RCSD1: variants seen among roughly 807,000 people sequenced by gnomAD.
RCSD1 encodes the protein capZ-interacting protein.
A neutral mutation model predicts 42.5 loss-of-function variants in RCSD1; 26 were observed. That is an observed-to-expected ratio of 0.61 (90% confidence interval 0.45 to 0.85). The LOEUF (loss-of-function observed/expected upper bound fraction) is 0.85, where lower values mean the gene tolerates loss of function less well. RCSD1 is among the 40% of genes least tolerant of loss of function. The pLI, the probability that RCSD1 is intolerant of heterozygous loss-of-function variation, is 0.00. For synonymous variants in RCSD1, 220 were observed against 212.2 expected, an observed-to-expected ratio of 1.04 and a Z score of -0.32; for missense variants, 571 against 528.3, an observed-to-expected ratio of 1.08 and a Z score of -0.79.
At chr1:167,653,809 G>A (rs1368772597) in intron 1 of RCSD1, among the ~76,000 whole-genome samples, 1 of 152,204 alleles carries the variant, frequency 6.6e-6, no homozygotes, top group Non-Finnish European at 1.5e-5. Context: ...GGATGATGAA[G>A]AAGAACTGTC....
chr1:167,649,468 A>T (rs1658248873), intron 1 of RCSD1, among the ~76,000 whole-genome samples: 1 of 152,186 alleles, frequency 6.6e-6, no homozygotes. Context: ...TGATGATATT[A>T]TGGGGTGTTA....
intron 1 of RCSD1, among the ~76,000 whole-genome samples, chr1:167,653,004 G>A (rs561145178): frequency 1.3e-5 from 2 of 152,274 alleles, no homozygotes; most frequent in East Asian, 3.9e-4. Flanking sequence ...TTACACAGTT[G>A]CAGATTATTG....
chr1:167,651,053 T>G (rs530654792), intron 1 of RCSD1, among the ~76,000 whole-genome samples: 4 of 152,216 alleles, frequency 2.6e-5, no homozygotes, highest in African/African-American at 9.7e-5. Context: ...TCTCTGTGCG[T>G]GTCTGTGTCC....
chr1:167,688,171 A>T (rs1659283742), intron 3 of RCSD1, among the ~76,000 whole-genome samples: 1 of 152,122 alleles, frequency 6.6e-6, no homozygotes, highest in South Asian at 2.1e-4. Context: ...ATTCAAATCA[A>T]TAGGGTTTTA....
intron 1 of RCSD1, among the ~76,000 whole-genome samples, chr1:167,648,043 T>G (rs1658209839): frequency 6.6e-6 from 1 of 152,206 alleles, no homozygotes; most frequent in South Asian, 2.1e-4. Flanking sequence ...TCTTTATTAG[T>G]TTTAGCCAAA....
At chr1:167,632,657 G>C (rs552434517) in intron 1 of RCSD1, among the ~76,000 whole-genome samples, 16 of 152,138 alleles carry the variant, frequency 1.1e-4, no homozygotes, top group Admixed American at 1.0e-3. Flanking sequence ...AGCTCAGCCA[G>C]CCAGAAGCCT....
At chr1:167,647,691 A>G (rs1370241630) in intron 1 of RCSD1, among the ~76,000 whole-genome samples, 1 of 152,208 alleles carries the variant, frequency 6.6e-6, no homozygotes, top group African/African-American at 2.4e-5. Context: ...GTGAGCTGTG[A>G]TCATACCACT....
intron 6 of RCSD1, among the ~76,000 whole-genome samples, chr1:167,701,126 C>A (rs1659626655): frequency 6.6e-6 from 1 of 152,136 alleles, no homozygotes; most frequent in South Asian, 2.1e-4. Context: ...ACTCTCCTCC[C>A]AAATAGGCAG....
chr1:167,699,068 G>T (rs1659579564), intron 6 of RCSD1, among the ~76,000 whole-genome samples: 1 of 152,132 alleles, frequency 6.6e-6, no homozygotes, highest in South Asian at 2.1e-4. Flanking sequence ...AAAGTGCTGG[G>T]ATTACAGGCG....
intron 1 of RCSD1, among the ~76,000 whole-genome samples, chr1:167,682,861 A>G (rs1157037075): frequency 6.6e-6 from 1 of 152,112 alleles, no homozygotes; most frequent in Admixed American, 6.5e-5. Context: ...GTGCAGGGGG[A>G]GTTCGAAGTC....
At position 167,697,969 on chromosome 1, in the gene RCSD1, T is replaced by C. The variant is rs112631063; in HGVS notation, c.1218+127T>C. On this transcript the variant is annotated intron_variant, in intron 6 of 6. Transcript: ENST00000367854. ...ACATGCAGAAACAAAGGTGCCAGGC[T>C]CCTGCCTCGTGCCAACTTGTTGGAG... is the stretch of plus-strand genomic sequence containing the variant. 2.5e-3 allele frequency: 3,044 copies of C among 1,198,664 alleles called. 61 individuals carry two copies. The African/African-American group carries it at 0.043, about 17-fold the overall frequency. The allele number at this position is 1,198,664 out of a possible 1,614,324, so 74.3% of individuals were successfully genotyped here.
chr1:167,638,506 C>T (rs1337979491), intron 1 of RCSD1: 1 of 152,252 alleles, frequency 6.6e-6, no homozygotes, highest in Admixed American at 6.5e-5. Flanking sequence ...CCTGTTCTTC[C>T]TCTTGCTCTG....
intron 1 of RCSD1, among the ~76,000 whole-genome samples, chr1:167,659,430 T>A (rs1359934771): frequency 6.6e-6 from 1 of 152,234 alleles, no homozygotes; most frequent in East Asian, 1.9e-4. Flanking sequence ...TTTAAAATTT[T>A]AATAGTTTCT....
At chr1:167,691,287 C>T (rs940711730) in intron 4 of RCSD1, among the ~76,000 whole-genome samples, 3 of 152,158 alleles carry the variant, frequency 2.0e-5, no homozygotes, top group African/African-American at 7.2e-5. Context: ...CAGGTGAGAC[C>T]CACCATTCTA....
intron 4 of RCSD1, among the ~76,000 whole-genome samples, chr1:167,691,912 C>T (rs759927750): frequency 6.6e-6 from 1 of 152,142 alleles, no homozygotes; most frequent in Non-Finnish European, 1.5e-5. Context: ...CCCAGAACTC[C>T]AGCACCCCTC....
intron 1 of RCSD1, among the ~76,000 whole-genome samples, chr1:167,645,129 C>T (rs1451743071): frequency 1.3e-5 from 2 of 152,146 alleles, no homozygotes; most frequent in East Asian, 3.8e-4. Context: ...TGACCCACAG[C>T]TGGGATAGTT....
chr1:167,679,793 G>A (rs536995885), intron 1 of RCSD1, among the ~76,000 whole-genome samples: 8 of 152,296 alleles, frequency 5.3e-5, no homozygotes, highest in South Asian at 4.1e-4. Flanking sequence ...TTGGATGAGC[G>A]CAGAAGGTGG....
rs1659757222 is a variant in RCSD1 at position 167,706,341 on chromosome 1, A to T, written c.*1645A>T. The T allele has an allele frequency of 1.3e-5, 2 of 152,140 alleles. No individual in the cohort carries two copies. The highest frequency in any genetic ancestry group is 4.1e-4 in the South Asian group (2 of 4,824). 9.4% of individuals were successfully genotyped at this position (152,140 alleles called of 1,614,324 possible). ...CTATCAATCTAGCTACCATCCATTTATTGACAGAGAAGTCTACCCCTAAAC... is the reference window on the plus strand; with the variant it reads ...CTATCAATCTAGCTACCATCCATTTTTTGACAGAGAAGTCTACCCCTAAAC... On this transcript the variant is annotated 3_prime_UTR_variant, in exon 7 of 7. Coordinates refer to ENST00000367854, the MANE Select transcript of RCSD1 (RefSeq NM_052862.4).
At chr1:167,681,700 AG>A (rs547216408) in intron 1 of RCSD1, among the ~76,000 whole-genome samples, 43 of 152,336 alleles carry the variant, frequency 2.8e-4, no homozygotes, top group African/African-American at 9.9e-4. Context: ...CACTGTCAGC[AG>A]GACCCAAGCA....
Sources: allele counts gnomAD v4.1 joint callset (sites outside exome capture counted in the v4.1 genomes callset), GRCh38; gene constraint gnomAD v4.1.1; transcripts MANE v1.5; gene names NCBI Gene and HGNC (gene_info 2026-07-23, HGNC 2026-07-21).